Variants in LRRC4C observed in about 807,000 individuals in gnomAD.
LRRC4C encodes the protein leucine-rich repeat-containing protein 4C.
LRRC4C carries 5 observed loss-of-function variants against 33.6 expected under a neutral mutation model. The observed-to-expected ratio is 0.15, with a 90% confidence interval of 0.08 to 0.31. The LOEUF (loss-of-function observed/expected upper bound fraction) is 0.31. Among genes scored for constraint, LRRC4C ranks in the 10% least tolerant of loss-of-function variants. LRRC4C has a pLI of 1.00. For synonymous variants in LRRC4C, 329 were observed against 302.0 expected (o/e 1.09, Z -0.93); for missense variants, 560 against 796.7 (o/e 0.70, Z 3.58).
At chr11:41,344,207 G>C (rs948287605) in intron 1 of LRRC4C, among the ~76,000 whole-genome samples, 1 of 148,802 alleles carries the variant, frequency 6.7e-6, no homozygotes, top group Non-Finnish European at 1.5e-5. Context: ...TTCACTCTTT[G>C]CTCCTCTGTG....
chr11:41,045,307 G>A (rs1446164748), intron 1 of LRRC4C, among the ~76,000 whole-genome samples: 1 of 152,018 alleles, frequency 6.6e-6, no homozygotes, highest in African/African-American at 2.4e-5. Flanking sequence ...GTTGGCATCA[G>A]AAGAGAATCA....
chr11:40,766,606 T>C (rs556267510), intron 2 of LRRC4C, among the ~76,000 whole-genome samples: 6 of 151,998 alleles, frequency 3.9e-5, no homozygotes, highest in Non-Finnish European at 8.8e-5. Context: ...ACTTGAAAAG[T>C]TATGGTGATA....
chr11:40,911,716 G>A (rs1381278773), intron 2 of LRRC4C, among the ~76,000 whole-genome samples: 1 of 152,208 alleles, frequency 6.6e-6, no homozygotes, highest in East Asian at 1.9e-4. Context: ...TATGAGTTGA[G>A]AGAAGAAGGC....
intron 1 of LRRC4C, among the ~76,000 whole-genome samples, chr11:41,028,877 C>T (rs1461589758): frequency 6.6e-6 from 1 of 151,664 alleles, no homozygotes; most frequent in Non-Finnish European, 1.5e-5. Flanking sequence ...AGAAGATCCT[C>T]CTCTGATGTC....
intron 3 of LRRC4C, among the ~76,000 whole-genome samples, chr11:40,424,905 A>G (rs543135147): frequency 6.6e-6 from 1 of 152,330 alleles, no homozygotes. Flanking sequence ...TTGTTTTTCT[A>G]ATGAGTAAGC....
intron 3 of LRRC4C, among the ~76,000 whole-genome samples, chr11:40,394,660 G>A (rs1649289932): frequency 6.6e-6 from 1 of 152,070 alleles, no homozygotes; most frequent in Non-Finnish European, 1.5e-5. Flanking sequence ...TGTGGTTCAT[G>A]GTTCACGCTC....
intron 1 of LRRC4C, among the ~76,000 whole-genome samples, chr11:40,979,654 T>A (rs1852366264): frequency 6.6e-6 from 1 of 152,194 alleles, no homozygotes; most frequent in African/African-American, 2.4e-5. Context: ...TTAGTAATGG[T>A]AAAGTTTCTA....
intron 1 of LRRC4C, among the ~76,000 whole-genome samples, chr11:41,183,753 G>T: frequency 6.6e-6 from 1 of 152,170 alleles, no homozygotes; most frequent in East Asian, 1.9e-4. Context: ...GGAACTCTGT[G>T]TGGGGGCTCT....
intron 3 of LRRC4C, among the ~76,000 whole-genome samples, chr11:40,487,112 A>G (rs1053360506): frequency 6.6e-6 from 1 of 152,040 alleles, no homozygotes; most frequent in Non-Finnish European, 1.5e-5. Flanking sequence ...TTGATGGCTG[A>G]AGCTTTAGCT....
At chr11:40,619,688 T>G (rs553097803) in intron 3 of LRRC4C, among the ~76,000 whole-genome samples, 4 of 151,842 alleles carry the variant, frequency 2.6e-5, no homozygotes, top group African/African-American at 9.6e-5. Context: ...CGACCTATTG[T>G]CCAAGTTAGT....
chr11:40,801,746 A>G (rs918602325), intron 2 of LRRC4C, among the ~76,000 whole-genome samples: 3 of 152,176 alleles, frequency 2.0e-5, no homozygotes, highest in African/African-American at 2.4e-5. Flanking sequence ...ACAGTTGAGT[A>G]CCAGAAATTT....
chr11:41,402,429 G>A (rs1354325014), intron 1 of LRRC4C, among the ~76,000 whole-genome samples: 1 of 152,146 alleles, frequency 6.6e-6, no homozygotes, highest in Non-Finnish European at 1.5e-5. Flanking sequence ...CTACAGGTCA[G>A]TGCTTATGTC....
At chr11:41,187,754 G>A (rs190575511) in intron 1 of LRRC4C, among the ~76,000 whole-genome samples, 1 of 152,306 alleles carries the variant, frequency 6.6e-6, no homozygotes, top group African/African-American at 2.4e-5. Context: ...AGGGCTTCAT[G>A]AGCTGTGAGC....
At chr11:40,962,960 G>A (rs530261896) in intron 1 of LRRC4C, among the ~76,000 whole-genome samples, 3 of 151,736 alleles carry the variant, frequency 2.0e-5, no homozygotes, top group Non-Finnish European at 4.4e-5. Flanking sequence ...TATTAAAACT[G>A]ACTTATTAAT....
intron 1 of LRRC4C, among the ~76,000 whole-genome samples, chr11:41,270,696 C>A (rs887070585): frequency 2.0e-5 from 3 of 152,130 alleles, no homozygotes; most frequent in Non-Finnish European, 4.4e-5. Flanking sequence ...ATTAGCCAGG[C>A]ATTTTACCTT....
At position 40,987,652 on chromosome 11, in the gene LRRC4C, TCTCATATATATGAGATATAAATG is replaced by T. The variant is rs1565274493; in HGVS notation, c.-495-53952_-495-53930del. Among the ~76,000 whole-genome samples, 73 of 84,038 alleles carry T rather than the reference TCTCATATATATGAGATATAAATG, an allele frequency of 8.7e-4. 4 individuals carry two copies. Among genetic ancestry groups the T allele is most frequent in the South Asian group, 2.4e-3 (7 of 2,958 alleles). The allele number at this position is 84,038 out of a possible 152,430, so 55.1% of individuals were successfully genotyped here. On this transcript the variant is annotated intron_variant, in intron 1 of 6. Coordinates refer to ENST00000528697, the MANE Select transcript of LRRC4C (RefSeq NM_001258419.2). ...AATGATATATATATATATATATATATCTCATATATATGAGATATAAATGATATATATATATATATCTCATATAT... is the reference window on the plus strand; with the variant it reads ...AATGATATATATATATATATATATATATATATATATATATATCTCATATAT...
intron 3 of LRRC4C, among the ~76,000 whole-genome samples, chr11:40,535,870 A>G (rs1956450164): frequency 6.6e-6 from 1 of 152,238 alleles, no homozygotes; most frequent in Non-Finnish European, 1.5e-5. Flanking sequence ...GATTAAAAGG[A>G]AGCATTGCAC....
chr11:40,503,602 C>T (rs1400848718), intron 3 of LRRC4C, among the ~76,000 whole-genome samples: 1 of 152,192 alleles, frequency 6.6e-6, no homozygotes, highest in Non-Finnish European at 1.5e-5. Context: ...TCTTAACTCG[C>T]TATCACAATT....
At chr11:41,034,317 C>G (rs1856900911) in intron 1 of LRRC4C, among the ~76,000 whole-genome samples, 1 of 151,454 alleles carries the variant, frequency 6.6e-6, no homozygotes, top group African/African-American at 2.4e-5. Flanking sequence ...TAGTGATACG[C>G]GTGCTCTTGG....
Sources: gnomAD v4.1 joint callset for allele counts (sites outside exome capture counted in the v4.1 genomes callset) on GRCh38, gnomAD v4.1.1 for gene constraint, MANE v1.5 for transcripts, NCBI Gene and HGNC (gene_info 2026-07-23, HGNC 2026-07-21) for gene names.